The following SNUPN variants were observed in gnomAD, a reference collection of about 807,000 sequenced individuals.
The protein encoded by SNUPN is snurportin 1.
Under a neutral mutation model 39.2 loss-of-function variants are expected in SNUPN, and 31 were observed. That is an observed-to-expected ratio of 0.79 (90% CI 0.59 to 1.07). SNUPN has a LOEUF of 1.07. SNUPN is among the 50% of genes least tolerant of loss of function. The pLI, the probability that SNUPN is intolerant of heterozygous loss-of-function variation, is 0.00. For missense variants in SNUPN, 382 were observed against 434.2 expected (o/e 0.88, Z 1.07); for synonymous variants, 132 against 159.0 (o/e 0.83, Z 1.28).
intron 3 of SNUPN, among the ~76,000 whole-genome samples, chr15:75,611,162 G>A (rs1238397528): frequency 1.4e-5 from 2 of 144,622 alleles, no homozygotes; most frequent in Non-Finnish European, 3.0e-5. Context: ...GTGAGACTTC[G>A]TCTCAAAAAG....
rs1241643349 is a variant in SNUPN, at chr15:75,621,022, A to G, written c.30T>C (p.Ser10=). 2 of 1,614,090 alleles carry G rather than the reference A, an allele frequency of 1.2e-6. No individual in the cohort carries two copies. The highest frequency in any genetic ancestry group is 1.7e-5 in the Admixed American group (1 of 59,962). The stretch of plus-strand genomic sequence containing the variant: ...TCAGATCTTGAGACACAGAAAAGCT[A>G]CTAGCCAGGGCCTGACTCAACTCTT... MEELSQALA[S]SFSVSQDLNS... is the part of the protein sequence containing the mutation. Residue 10 remains serine, a synonymous_variant, in exon 2 of 9, where the codon AGT becomes AGC. Coordinates refer to ENST00000308588, the MANE Select transcript of SNUPN (RefSeq NM_005701.4).
In SNUPN at chr15:75,598,355, T is replaced by C; in HGVS notation, c.*3A>G. 1.2e-6 allele frequency: 2 copies of C among 1,609,398 alleles called. No homozygotes were observed. Among genetic ancestry groups the C allele is most frequent in the Non-Finnish European group, 1.7e-6 (2 of 1,176,902 alleles). ...CTGTGGCTCCTTAAGGAGGCTTCTC[T>C]CTTTAATTCTCCATGAGGCATCCAG... On this transcript the variant is annotated 3_prime_UTR_variant, in exon 9 of 9. Transcript: ENST00000308588.
chr15:75,598,662 T>C lies in SNUPN; in HGVS notation c.779A>G (p.Tyr260Cys). ...FPFEVDGLLF[Y>C]HKQTHYSPGS... ...GGGGCTGTAGTGGGTCTGTTTGTGG[T>C]AGAAGAGAAGTCCATCTACCTATAA... The change falls in exon 9 of 9, where the codon TAC becomes TGC. Residue 260 changes from tyrosine to cysteine, a missense_variant. By Grantham distance (194) the Tyr-to-Cys change is radical. Coordinates refer to ENST00000308588, the MANE Select transcript of SNUPN (RefSeq NM_005701.4). 1 of 1,603,744 alleles carries C rather than the reference T, an allele frequency of 6.2e-7. No individual in the cohort carries two copies. Among genetic ancestry groups the C allele is most frequent in the South Asian group, 1.1e-5 (1 of 90,856 alleles).
intron 3 of SNUPN, 22 bp downstream of exon 3, chr15:75,617,386 T>C (rs1892964365): frequency 6.2e-7 from 1 of 1,609,866 alleles, no homozygotes; most frequent in Non-Finnish European, 8.5e-7. Flanking sequence ...TAGCTGGGTC[T>C]CATCTTCTCT....
chr15:75,608,228 A>T (rs1490628741), intron 5 of SNUPN, among the ~76,000 whole-genome samples: 1 of 152,030 alleles, frequency 6.6e-6, no homozygotes, highest in Non-Finnish European at 1.5e-5. Flanking sequence ...CCAAAAATAC[A>T]AAAAATTAGC....
At chr15:75,601,372 C>T (rs28397821) in intron 7 of SNUPN, among the ~76,000 whole-genome samples, 154 bp from the exon 8 acceptor site, 221 of 152,168 alleles carry the variant, frequency 1.5e-3, no homozygotes, top group African/African-American at 5.1e-3. Context: ...GTCAAGAAAT[C>T]AAGACAAGCC....
intron 5 of SNUPN, among the ~76,000 whole-genome samples, chr15:75,608,806 G>A (rs1055782436): frequency 6.6e-6 from 1 of 152,110 alleles, no homozygotes; most frequent in Non-Finnish European, 1.5e-5. Context: ...GGAGGTCCTT[G>A]GTCCAGGGGC....
At chr15:75,613,654 AAAAGAAAAG>A (rs1008134052) in intron 3 of SNUPN, among the ~76,000 whole-genome samples, 1 of 151,308 alleles carries the variant, frequency 6.6e-6, no homozygotes, top group African/African-American at 2.4e-5. Context: ...AAAAAAAAAA[AAAAGAAAAG>A]AAAAGAAAAG....
intron 1 of SNUPN, among the ~76,000 whole-genome samples, chr15:75,622,015 G>A (rs1210536967): frequency 3.3e-5 from 5 of 151,934 alleles, no homozygotes; most frequent in East Asian, 3.9e-4. Flanking sequence ...CAGCCTGGGC[G>A]ACACAGCAAG....
chr15:75,598,143 G>A lies in SNUPN; in HGVS notation c.*215C>T, dbSNP rs546017201. 1 of 537,078 alleles carries A rather than the reference G, an allele frequency of 1.9e-6. No homozygotes were observed. Among genetic ancestry groups the A allele is most frequent in the African/African-American group, 1.9e-5 (1 of 53,126 alleles). The allele number at this position is 537,078 out of a possible 1,614,324, so 33.3% of individuals were successfully genotyped here. A position where few individuals can be genotyped will look rare whatever the true frequency, so the allele number is the denominator to read the frequency against. ...ATCTGGGATACACTTATCACAGTAGGAGCTGCTCAAATCAATCTGAATGCT... is the reference window on the plus strand; with the variant it reads ...ATCTGGGATACACTTATCACAGTAGAAGCTGCTCAAATCAATCTGAATGCT... On this transcript the variant is annotated 3_prime_UTR_variant, in exon 9 of 9. Transcript: ENST00000308588.
Position 75,601,209 on chromosome 15 carries a change from C to T in SNUPN, c.688G>A (p.Val230Met), listed in dbSNP as rs1224336953. 1 of 1,609,282 alleles carries T rather than the reference C, an allele frequency of 6.2e-7. No homozygotes were observed. The highest frequency in any genetic ancestry group is 1.3e-5 in the African/African-American group (1 of 74,946). ...GTGCAAGGGAAGTTCTTTAGCCCCACAAATTTAAACTGAAATAGAAATTAG... is the reference window on the plus strand; with the variant it reads ...GTGCAAGGGAAGTTCTTTAGCCCCATAAATTTAAACTGAAATAGAAATTAG... Reference protein sequence around the residue: ...EKTKLNPFKFVGLKNFPCTPE... With the variant: ...EKTKLNPFKFMGLKNFPCTPE... The change falls in exon 8 of 9, where the codon GTG becomes ATG. Residue 230 changes from valine (V) to methionine (M), a missense_variant. Physicochemically the swap from Val to Met is conservative, Grantham distance 21 (BLOSUM62 1). Coordinates refer to ENST00000308588, the MANE Select transcript of SNUPN (RefSeq NM_005701.4).
chr15:75,610,099 A>G, intron 3 of SNUPN, 105 bp from the exon 4 acceptor site: 1 of 882,864 alleles, frequency 1.1e-6, no homozygotes, highest in Non-Finnish European at 1.8e-6. Context: ...AACCTGAGTG[A>G]AAGAATGAGG....
chr15:75,622,339 C>T, intron 1 of SNUPN: 2 of 985,380 alleles, frequency 2.0e-6, no homozygotes, highest in Non-Finnish European at 2.4e-6. Context: ...ATGTGGGACT[C>T]ACTTGGAAAA....
intron 3 of SNUPN, among the ~76,000 whole-genome samples, chr15:75,610,804 C>T: frequency 6.6e-6 from 1 of 152,162 alleles, no homozygotes; most frequent in East Asian, 1.9e-4. Context: ...ACCAAACCAA[C>T]AAAAACAGTG....
chr15:75,620,524 T>A (rs953888795), intron 2 of SNUPN, among the ~76,000 whole-genome samples: 1 of 152,132 alleles, frequency 6.6e-6, no homozygotes, highest in Non-Finnish European at 1.5e-5. Context: ...AATACCAGCA[T>A]TCAGAGTGCA....
At position 75,607,352 on chromosome 15, in the gene SNUPN, T is replaced by C. The variant is rs200175609; in HGVS notation, c.503-39A>G. On this transcript the variant is annotated intron_variant, in intron 5 of 8. Transcript: ENST00000308588. ...GCAGAAAGTCAGCACAGAGTTCTTC[T>C]TCCAACCAGGTTCCCTCCACCACAA... is the stretch of plus-strand genomic sequence containing the variant. The C allele has an allele frequency of 2.4e-5, 35 of 1,433,466 alleles. No individual in the cohort carries two copies. In the East Asian group the frequency reaches 3.0e-4, roughly 12 times the overall value. The allele number at this position is 1,433,466 out of a possible 1,614,324, so 88.8% of individuals were successfully genotyped here.
At chr15:75,620,000 C>T (rs368980191) in intron 2 of SNUPN, among the ~76,000 whole-genome samples, 12 of 152,162 alleles carry the variant, frequency 7.9e-5, no homozygotes, top group South Asian at 4.1e-4. Context: ...CCACCCACCT[C>T]GGCCACCCAA....
chr15:75,612,413 C>G (rs989686310), intron 3 of SNUPN, among the ~76,000 whole-genome samples: 2 of 152,102 alleles, frequency 1.3e-5, no homozygotes, highest in Admixed American at 6.6e-5. Context: ...TCCTGACATC[C>G]GTTCCCTTGG....
chr15:75,606,357 G>A (rs934494440), intron 6 of SNUPN, among the ~76,000 whole-genome samples: 1 of 152,080 alleles, frequency 6.6e-6, no homozygotes, highest in African/African-American at 2.4e-5. Flanking sequence ...TATGGTGACA[G>A]CCTGCATGAA....
Sources: allele counts gnomAD v4.1 joint callset (sites outside exome capture counted in the v4.1 genomes callset), GRCh38; gene constraint gnomAD v4.1.1; transcripts MANE v1.5; gene names NCBI Gene and HGNC (gene_info 2026-07-23, HGNC 2026-07-21).